Variants in NTNG1 observed in about 807,000 individuals in gnomAD.
NTNG1 encodes the protein netrin-G1.
A neutral mutation model predicts 54.0 loss-of-function variants in NTNG1; 16 were observed. The observed-to-expected ratio is 0.30, with a 90% CI of 0.20 to 0.45. The LOEUF (loss-of-function observed/expected upper bound fraction) is 0.45. Among genes scored for constraint, NTNG1 ranks in the 20% least tolerant of loss-of-function variants. The pLI, the probability that NTNG1 is intolerant of heterozygous loss-of-function variation, is 1.00. For missense variants in NTNG1, 530 were observed against 678.7 expected (o/e 0.78, Z 2.43); for synonymous variants, 255 against 263.1 (o/e 0.97, Z 0.30).
intron 5 of NTNG1, among the ~76,000 whole-genome samples, chr1:107,417,794 T>C (rs947604841): frequency 1.1e-4 from 16 of 152,074 alleles, no homozygotes; most frequent in African/African-American, 3.9e-4. Context: ...TTCACAAAAA[T>C]AGTTTAAAAA....
intron 2 of NTNG1, among the ~76,000 whole-genome samples, chr1:107,320,367 A>C (rs1667579843): frequency 6.6e-6 from 1 of 152,138 alleles, no homozygotes; most frequent in Non-Finnish European, 1.5e-5. Context: ...TGAATCTGTT[A>C]GATATAGCAG....
rs1373580599 is a variant in NTNG1, at chr1:107,334,932, C to T, written c.887+10010C>T. Among the ~76,000 whole-genome samples the T allele has an allele frequency of 2.6e-5, 4 of 152,014 alleles. No individual in the cohort carries two copies. The East Asian group carries it at 7.7e-4, about 29-fold the overall frequency. On this transcript the variant is annotated intron_variant, in intron 3 of 7. Coordinates refer to ENST00000370068, the MANE Select transcript of NTNG1 (RefSeq NM_001113226.3). The stretch of plus-strand genomic sequence containing the variant: ...TCTAAATATTCCCCACACAAGACTG[C>T]AAGAGAATTGGAGCTTAGCCCATTG...
chr1:107,474,489 G>A (rs918498095), intron 7 of NTNG1, among the ~76,000 whole-genome samples: 2 of 152,214 alleles, frequency 1.3e-5, no homozygotes, highest in African/African-American at 4.8e-5. Flanking sequence ...CTGGAAACTT[G>A]TGTTGAGAAG....
intron 2 of NTNG1, among the ~76,000 whole-genome samples, chr1:107,184,354 A>T (rs1484520370): frequency 6.6e-6 from 1 of 152,146 alleles, no homozygotes; most frequent in African/African-American, 2.4e-5. Context: ...ACAGCAGTTC[A>T]AAAGTCAATT....
intron 2 of NTNG1, among the ~76,000 whole-genome samples, chr1:107,161,319 T>C (rs114422110): frequency 0.013 from 1,910 of 152,264 alleles, 40 homozygotes; most frequent in African/African-American, 0.043. Flanking sequence ...TATTTTTCAA[T>C]TAAAAATATT....
intron 3 of NTNG1, among the ~76,000 whole-genome samples, chr1:107,353,268 T>A (rs1342954338): frequency 6.6e-6 from 1 of 152,180 alleles, no homozygotes; most frequent in African/African-American, 2.4e-5. Flanking sequence ...TGCCCACACA[T>A]ATCAGCCAAA....
intron 2 of NTNG1, among the ~76,000 whole-genome samples, chr1:107,171,285 T>C (rs1656219323): frequency 6.6e-6 from 1 of 152,100 alleles, no homozygotes; most frequent in African/African-American, 2.4e-5. Flanking sequence ...TTTTTCTCAT[T>C]GTATGTGTGT....
intron 2 of NTNG1, among the ~76,000 whole-genome samples, chr1:107,206,464 A>G (rs1457206565): frequency 6.6e-6 from 1 of 152,104 alleles, no homozygotes; most frequent in Non-Finnish European, 1.5e-5. Flanking sequence ...AGTCAAGTCT[A>G]TCTTTCTAGC....
At chr1:107,153,821 A>C (rs1654769474) in intron 2 of NTNG1, among the ~76,000 whole-genome samples, 1 of 152,188 alleles carries the variant, frequency 6.6e-6, no homozygotes, top group African/African-American at 2.4e-5. Flanking sequence ...GGAAGGGGAC[A>C]ACTGGATTTG....
intron 2 of NTNG1, among the ~76,000 whole-genome samples, chr1:107,223,022 T>G (rs1360055173): frequency 2.0e-5 from 3 of 152,028 alleles, no homozygotes; most frequent in Non-Finnish European, 1.5e-5. Context: ...TTAGTGTGCT[T>G]TGGAATAACC....
intron 5 of NTNG1, 27 bp downstream of exon 5, chr1:107,407,735 C>T (rs757982158): frequency 6.3e-7 from 1 of 1,590,986 alleles, no homozygotes; most frequent in Non-Finnish European, 8.6e-7. Context: ...ACAAAAAAAA[C>T]ACCAAACCAA....
At chr1:107,441,549 G>T (rs186375399) in intron 7 of NTNG1, among the ~76,000 whole-genome samples, 13 of 152,066 alleles carry the variant, frequency 8.5e-5, no homozygotes, top group Non-Finnish European at 1.8e-4. Context: ...TTTTCTGAGC[G>T]CAAGTGGGAA....
chr1:107,320,282 C>G (rs1356865589), intron 2 of NTNG1, among the ~76,000 whole-genome samples: 1 of 152,072 alleles, frequency 6.6e-6, no homozygotes, highest in Non-Finnish European at 1.5e-5. Flanking sequence ...GGATATGTTG[C>G]TTGTGGGACT....
intron 2 of NTNG1, among the ~76,000 whole-genome samples, chr1:107,263,262 A>G (rs1663478159): frequency 6.7e-6 from 1 of 150,296 alleles, no homozygotes; most frequent in South Asian, 2.1e-4. Flanking sequence ...TAACAGTTCT[A>G]GGTTAGCTTG....
chr1:107,355,891 C>T (rs1481152306), intron 3 of NTNG1, among the ~76,000 whole-genome samples: 2 of 152,110 alleles, frequency 1.3e-5, no homozygotes, highest in Non-Finnish European at 2.9e-5. Context: ...TTATTTCTGA[C>T]CTCAGTGGAT....
At chr1:107,349,902 A>G (rs540252544) in intron 3 of NTNG1, among the ~76,000 whole-genome samples, 1 of 152,162 alleles carries the variant, frequency 6.6e-6, no homozygotes, top group African/African-American at 2.4e-5. Context: ...TTTTTGGTAC[A>G]TGTGTGCAAA....
chr1:107,146,982 A>G (rs1201828692), intron 1 of NTNG1, among the ~76,000 whole-genome samples: 3 of 152,072 alleles, frequency 2.0e-5, no homozygotes, highest in Admixed American at 1.3e-4. Context: ...TCCTTTTTGC[A>G]TTGCTTAAAA....
In NTNG1 at chr1:107,481,070, A is replaced by G; in HGVS notation, c.*230A>G. 1.9e-6 allele frequency: 1 copy of G among 513,988 alleles called. No individual in the cohort carries two copies. Among genetic ancestry groups the G allele is most frequent in the Non-Finnish European group, 3.5e-6 (1 of 287,994 alleles). The allele number at this position is 513,988 out of a possible 1,614,324, so 31.8% of individuals were successfully genotyped here. On this transcript the variant is annotated 3_prime_UTR_variant, in exon 8 of 8. Coordinates refer to ENST00000370068, the MANE Select transcript of NTNG1 (RefSeq NM_001113226.3). ...GGAGTTGGCAGCTGTTGATATTATC[A>G]CTGCAAATCACATTGCCAGCTGCAG...
intron 1 of NTNG1, among the ~76,000 whole-genome samples, chr1:107,147,043 A>G (rs947002756): frequency 8.5e-5 from 13 of 152,100 alleles, no homozygotes; most frequent in African/African-American, 3.1e-4. Flanking sequence ...AAGAAATTAT[A>G]CTTTTTAATA....
Sources: gnomAD v4.1 joint callset for allele counts (sites outside exome capture counted in the v4.1 genomes callset) on GRCh38, gnomAD v4.1.1 for gene constraint, MANE v1.5 for transcripts, NCBI Gene and HGNC (gene_info 2026-07-23, HGNC 2026-07-21) for gene names.